SPTLC3: variants seen among roughly 807,000 people sequenced by gnomAD.
The protein encoded by SPTLC3 is serine palmitoyltransferase 3.
Under a neutral mutation model 59.3 loss-of-function variants are expected in SPTLC3, and 36 were observed. The observed-to-expected ratio is 0.61, with a 90% CI of 0.47 to 0.80. SPTLC3 has a LOEUF of 0.80. Ranked by LOEUF, SPTLC3 falls within the 30% of genes least tolerant of loss-of-function variation. SPTLC3 has a pLI of 0.00. For missense variants in SPTLC3, 625 were observed against 685.1 expected (o/e 0.91, Z 0.98); for synonymous variants, 257 against 240.8 (o/e 1.07, Z -0.62).
intron 1 of SPTLC3, among the ~76,000 whole-genome samples, chr20:13,017,878 G>T (rs1314342995): frequency 6.6e-6 from 1 of 152,180 alleles, no homozygotes. Context: ...GGACTCCTGA[G>T]AGTCAGTTAC....
chr20:13,088,198 C>T (rs1323477256), intron 4 of SPTLC3, among the ~76,000 whole-genome samples: 3 of 152,214 alleles, frequency 2.0e-5, no homozygotes, highest in Admixed American at 1.3e-4. Flanking sequence ...ATCAGTTTCT[C>T]TTTCTGTTCC....
Position 13,009,036 on chromosome 20 carries a change from G to C in SPTLC3, c.-232G>C. ...GTTTCGGAAGCAGGTTTGTTGCCAT[G>C]GAGTTCACATTTTGACGGGAGTTGA... On this transcript the variant is annotated 5_prime_UTR_variant, in exon 1 of 12. The change abolishes an upstream ATG in the 5' untranslated region. Coordinates refer to ENST00000399002, the MANE Select transcript of SPTLC3 (RefSeq NM_018327.4). The C allele has an allele frequency of 2.4e-6, 1 of 422,156 alleles. No homozygotes were observed. The highest frequency in any genetic ancestry group is 4.3e-6 in the Non-Finnish European group (1 of 235,018). 26.2% of individuals were successfully genotyped at this position (422,156 alleles called of 1,614,324 possible). A position where few individuals can be genotyped will look rare whatever the true frequency, so the allele number is the denominator to read the frequency against.
intron 2 of SPTLC3, among the ~76,000 whole-genome samples, chr20:13,061,544 G>T (rs1224302186): frequency 3.3e-5 from 5 of 152,038 alleles, no homozygotes; most frequent in Non-Finnish European, 7.3e-5. Context: ...AAAACTGTGG[G>T]TTGAGTTTCC....
In SPTLC3 at chr20:13,098,614, C is replaced by T. The variant is rs140920183; in HGVS notation, c.826+5037C>T. On this transcript the variant is annotated intron_variant, in intron 6 of 11. Coordinates refer to ENST00000399002, the MANE Select transcript of SPTLC3 (RefSeq NM_018327.4). ...TTATTCTTCATGCCCTCCCTTTGTA[C>T]TCATGAAAAATAGATAATAGTTACT... Among the ~76,000 whole-genome samples, 592 of 152,202 alleles carry T rather than the reference C, an allele frequency of 3.9e-3. 2 individuals carry two copies. Among genetic ancestry groups the T allele is most frequent in the African/African-American group, 0.014 (564 of 41,540 alleles).
intron 4 of SPTLC3, among the ~76,000 whole-genome samples, chr20:13,076,287 G>A (rs1216150240): frequency 6.6e-6 from 1 of 152,182 alleles, no homozygotes; most frequent in African/African-American, 2.4e-5. Context: ...GCAAGAATTA[G>A]GAGTAGCGTG....
intron 9 of SPTLC3, among the ~76,000 whole-genome samples, chr20:13,147,187 G>C (rs1053520827): frequency 1.3e-5 from 2 of 152,132 alleles, no homozygotes; most frequent in African/African-American, 4.8e-5. Context: ...AGAGCCCTTG[G>C]AACATGTGTA....
intron 1 of SPTLC3, among the ~76,000 whole-genome samples, chr20:13,011,054 A>T (rs1004471702): frequency 6.6e-6 from 1 of 152,176 alleles, no homozygotes; most frequent in Non-Finnish European, 1.5e-5. Flanking sequence ...CTTGTCTCAG[A>T]CATATTTAGG....
chr20:13,162,650 C>T (rs139016922), intron 11 of SPTLC3, among the ~76,000 whole-genome samples: 1 of 152,306 alleles, frequency 6.6e-6, no homozygotes, highest in Non-Finnish European at 1.5e-5. Context: ...ATGTCTCCCT[C>T]TTCTGACTGA....
At chr20:13,044,637 A>G (rs557776774) in intron 1 of SPTLC3, among the ~76,000 whole-genome samples, 3 of 152,216 alleles carry the variant, frequency 2.0e-5, no homozygotes, top group African/African-American at 7.2e-5. Flanking sequence ...TATCATCTCT[A>G]TTCAGAATAT....
chr20:13,114,375 T>A (rs1246250969), intron 7 of SPTLC3, among the ~76,000 whole-genome samples: 1 of 152,240 alleles, frequency 6.6e-6, no homozygotes, highest in Non-Finnish European at 1.5e-5. Flanking sequence ...CAACTCATAG[T>A]GGTTGAGAAT....
intron 1 of SPTLC3, 134 bp from the exon 2 acceptor site, chr20:13,048,811 G>T (rs1600230238): frequency 1.3e-6 from 1 of 773,100 alleles, no homozygotes; most frequent in South Asian, 2.7e-5. Context: ...CCTCTTCAAT[G>T]GTCAGTTTCT....
chr20:13,078,285 C>T (rs866796929), intron 4 of SPTLC3, among the ~76,000 whole-genome samples: 25 of 149,658 alleles, frequency 1.7e-4, no homozygotes, highest in Admixed American at 3.3e-4. Context: ...AACAGAATAA[C>T]ATAATCAAGT....
intron 9 of SPTLC3, among the ~76,000 whole-genome samples, chr20:13,128,551 T>C (rs1376533779): frequency 6.6e-6 from 1 of 152,160 alleles, no homozygotes; most frequent in Non-Finnish European, 1.5e-5. Flanking sequence ...GTGACTCTTA[T>C]CACCTTGCTT....
intron 9 of SPTLC3, 66 bp from the exon 10 acceptor site, chr20:13,153,937 T>A: frequency 6.3e-7 from 1 of 1,585,918 alleles, no homozygotes; most frequent in Non-Finnish European, 8.6e-7. Flanking sequence ...GCTTGCCAAG[T>A]TGACCGGACC....
At chr20:13,096,766 G>A (rs1989430432) in intron 6 of SPTLC3, among the ~76,000 whole-genome samples, 2 of 152,018 alleles carry the variant, frequency 1.3e-5, no homozygotes, top group Admixed American at 1.3e-4. Context: ...TTCCCTGTAA[G>A]TAAATTTAAG....
At chr20:13,145,861 A>G (rs1430132142) in intron 9 of SPTLC3, among the ~76,000 whole-genome samples, 8 of 152,234 alleles carry the variant, frequency 5.3e-5, no homozygotes, top group Non-Finnish European at 1.0e-4. Context: ...CTGATCTTCA[A>G]CAAACTTGAC....
chr20:13,053,943 G>T (rs1987609115), intron 2 of SPTLC3, among the ~76,000 whole-genome samples: 1 of 152,154 alleles, frequency 6.6e-6, no homozygotes, highest in African/African-American at 2.4e-5. Context: ...CAGGGAGAAT[G>T]GAACCAAGTT....
chr20:13,080,425 T>C (rs1568592453), intron 4 of SPTLC3, among the ~76,000 whole-genome samples: 3 of 148,940 alleles, frequency 2.0e-5, no homozygotes, highest in South Asian at 2.1e-4. Flanking sequence ...GGAAAATCGC[T>C]TGAACCCGGG....
chr20:13,112,027 A>T (rs1478912419), intron 7 of SPTLC3, among the ~76,000 whole-genome samples: 6 of 152,230 alleles, frequency 3.9e-5, no homozygotes, highest in Non-Finnish European at 8.8e-5. Context: ...ACCAAACCAC[A>T]ATTTTGGTTG....
Sources: gnomAD v4.1 joint callset for allele counts (sites outside exome capture counted in the v4.1 genomes callset) on GRCh38, gnomAD v4.1.1 for gene constraint, MANE v1.5 for transcripts, NCBI Gene and HGNC (gene_info 2026-07-23, HGNC 2026-07-21) for gene names.